Variants in RBFOX1 observed in about 807,000 individuals in gnomAD.
RBFOX1 encodes RNA binding protein fox-1 homolog 1.
In RBFOX1, 8 loss-of-function variants were observed where a neutral mutation model predicts 57.7. The ratio of observed to expected loss-of-function variants is 0.14; its 90% CI spans 0.08 to 0.25. The LOEUF is 0.25. Ranked by LOEUF, RBFOX1 falls within the 10% of genes least tolerant of loss-of-function variation. The pLI is 1.00. For synonymous variants in RBFOX1, 326 were observed against 222.4 expected, an observed-to-expected ratio of 1.47 and a Z score of -4.15; for missense variants, 611 against 548.5, an observed-to-expected ratio of 1.11 and a Z score of -1.14.
intron 4 of RBFOX1, among the ~76,000 whole-genome samples, chr16:6,001,345 T>C (rs1246929372): frequency 1.3e-5 from 2 of 152,186 alleles, no homozygotes; most frequent in African/African-American, 2.4e-5. Context: ...GGATCAAGTG[T>C]CTTTATTGCC....
chr16:7,028,603 C>G (rs1006483800), intron 3 of RBFOX1, among the ~76,000 whole-genome samples: 7 of 32,618 alleles, frequency 2.1e-4, no homozygotes, highest in Admixed American at 1.8e-3. Context: ...CACACACACA[C>G]ACACACAAAA....
At chr16:6,848,833 G>A (rs1189551870) in intron 3 of RBFOX1, among the ~76,000 whole-genome samples, 2 of 152,158 alleles carry the variant, frequency 1.3e-5, no homozygotes, top group Non-Finnish European at 2.9e-5. Flanking sequence ...AGTGATTAGT[G>A]TCAGGGATAA....
chr16:5,971,561 A>G (rs1398688522), intron 4 of RBFOX1, among the ~76,000 whole-genome samples: 2 of 152,214 alleles, frequency 1.3e-5, no homozygotes, highest in East Asian at 3.8e-4. Context: ...ATCATAAGTT[A>G]AAATCCTGCT....
rs8057555 is a variant in RBFOX1, at chr16:7,661,740, C to T, written c.891-3189C>T. Among the ~76,000 whole-genome samples, 473 of 152,300 alleles carry T rather than the reference C, an allele frequency of 3.1e-3. 2 individuals carry two copies. The highest frequency in any genetic ancestry group is 0.011 in the African/African-American group (460 of 41,564). On this transcript the variant is annotated intron_variant, in intron 12 of 15. Coordinates refer to ENST00000550418, the MANE Select transcript of RBFOX1 (RefSeq NM_018723.4). ...TGGGGTACAGGAAAGCTTTCAGTCA[C>T]AGAGAAATAGTATGTATTTGGCTTG...
intron 3 of RBFOX1, among the ~76,000 whole-genome samples, chr16:6,668,345 G>C (rs1022543852): frequency 6.6e-6 from 1 of 152,188 alleles, no homozygotes; most frequent in Admixed American, 6.5e-5. Flanking sequence ...CAGGGCACCT[G>C]CCAGGTATAG....
intron 3 of RBFOX1, among the ~76,000 whole-genome samples, chr16:5,622,960 A>G (rs1033459636): frequency 2.6e-5 from 4 of 152,220 alleles, no homozygotes; most frequent in African/African-American, 9.6e-5. Flanking sequence ...CAGGTAATCT[A>G]TAGACAGTTT....
intron 2 of RBFOX1, among the ~76,000 whole-genome samples, chr16:5,575,657 G>A (rs2046427182): frequency 6.6e-6 from 1 of 152,202 alleles, no homozygotes; most frequent in African/African-American, 2.4e-5. Flanking sequence ...GCAGGAAAGT[G>A]CTACATTGTG....
At chr16:7,066,077 A>AGTTTT (rs1491358495) in intron 4 of RBFOX1, among the ~76,000 whole-genome samples, 1 of 152,242 alleles carries the variant, frequency 6.6e-6, no homozygotes, top group Non-Finnish European at 1.5e-5. Flanking sequence ...AAGTCACTTC[A>AGTTTT]GAGTGTTTTG....
intron 4 of RBFOX1, among the ~76,000 whole-genome samples, chr16:7,120,413 T>C (rs1449518046): frequency 1.3e-5 from 2 of 152,006 alleles, no homozygotes; most frequent in Admixed American, 1.3e-4. Context: ...ATAGAAGTGA[T>C]GAATCTATTC....
intron 4 of RBFOX1, among the ~76,000 whole-genome samples, chr16:7,438,417 C>T (rs904892712): frequency 2.6e-5 from 4 of 151,946 alleles, no homozygotes; most frequent in Non-Finnish European, 4.4e-5. Flanking sequence ...TTCAGATTAG[C>T]CGTTTTGCCC....
chr16:5,965,906 C>G (rs1186684332), intron 4 of RBFOX1, among the ~76,000 whole-genome samples: 4 of 152,106 alleles, frequency 2.6e-5, no homozygotes. Context: ...TATAAATCAG[C>G]TGATCCCTGA....
At chr16:5,891,941 G>A (rs1055542779) in intron 4 of RBFOX1, among the ~76,000 whole-genome samples, 4 of 152,192 alleles carry the variant, frequency 2.6e-5, no homozygotes, top group African/African-American at 9.7e-5. Flanking sequence ...ACAAGAAGAC[G>A]ATGTCTCTTG....
At chr16:7,043,972 G>A (rs2047036607) in intron 3 of RBFOX1, among the ~76,000 whole-genome samples, 1 of 152,046 alleles carries the variant, frequency 6.6e-6, no homozygotes, top group African/African-American at 2.4e-5. Context: ...AATTCTCCAA[G>A]ACAAGTTGGG....
intron 4 of RBFOX1, among the ~76,000 whole-genome samples, chr16:7,337,200 G>C (rs926536426): frequency 1.3e-5 from 2 of 152,108 alleles, no homozygotes; most frequent in Non-Finnish European, 2.9e-5. Flanking sequence ...GATTTGGACT[G>C]GATTTGTTGA....
intron 2 of RBFOX1, among the ~76,000 whole-genome samples, chr16:5,585,105 C>T (rs2046789205): frequency 6.6e-6 from 1 of 152,132 alleles, no homozygotes; most frequent in Non-Finnish European, 1.5e-5. Context: ...ACCTCTATCT[C>T]ATTCCAAAAT....
Position 5,434,260 on chromosome 16 carries a change from C to G in RBFOX1, c.220-32956C>G, listed in dbSNP as rs2067076. On this transcript the variant is annotated intron_variant, in intron 1 of 2. Transcript: ENST00000585867. ...AATGAGGCCTTAGAAGAGAAATATT[C>G]CCCTGGGCTTCCATCCCCAGACACA... 6.0e-3 allele frequency among the ~76,000 whole-genome samples: 904 copies of G among 150,538 alleles called. 9 individuals are homozygous for G. Among genetic ancestry groups the G allele is most frequent in the African/African-American group, 0.021 (868 of 41,046 alleles).
intron 1 of RBFOX1, among the ~76,000 whole-genome samples, chr16:5,264,294 G>C (rs1263806062): frequency 6.6e-6 from 1 of 152,154 alleles, no homozygotes. Flanking sequence ...TGGGATGTGA[G>C]GATGCTGCAG....
At chr16:6,769,522 G>C (rs147531056) in intron 3 of RBFOX1, among the ~76,000 whole-genome samples, 3 of 152,266 alleles carry the variant, frequency 2.0e-5, no homozygotes, top group Middle Eastern at 3.4e-3. Flanking sequence ...TTTATCACCC[G>C]CCTTTTAATA....
At chr16:7,448,809 G>T (rs2098828163) in intron 4 of RBFOX1, among the ~76,000 whole-genome samples, 1 of 151,912 alleles carries the variant, frequency 6.6e-6, no homozygotes, top group Non-Finnish European at 1.5e-5. Context: ...TCTTGTAAGG[G>T]CACCAGCCAT....
Sources: gnomAD v4.1 joint callset for allele counts (sites outside exome capture counted in the v4.1 genomes callset) on GRCh38, gnomAD v4.1.1 for gene constraint, MANE v1.5 for transcripts, NCBI Gene and HGNC (gene_info 2026-07-23, HGNC 2026-07-21) for gene names.